Variants in IMPG2 observed in about 807,000 individuals in gnomAD.
The protein encoded by IMPG2 is interphotoreceptor matrix proteoglycan 2, also known as IPM 200.
In IMPG2, 91 loss-of-function variants were observed where a neutral mutation model predicts 129.2. The observed-to-expected ratio is 0.70, with a 90% CI of 0.59 to 0.84. The LOEUF is 0.84. Among genes scored for constraint, IMPG2 ranks in the 40% least tolerant of loss-of-function variants. IMPG2 has a pLI of 0.00. For synonymous variants in IMPG2, 510 were observed against 517.7 expected, an observed-to-expected ratio of 0.99 and a Z score of 0.20; for missense variants, 1,430 against 1,461.7, an observed-to-expected ratio of 0.98 and a Z score of 0.35.
intron 9 of IMPG2, among the ~76,000 whole-genome samples, chr3:101,261,696 AT>A (rs759647704): frequency 4.6e-5 from 7 of 152,128 alleles, no homozygotes; most frequent in Non-Finnish European, 8.8e-5. Flanking sequence ...AAAACCATCT[AT>A]TTTGAGTGCC....
chr3:101,250,668 A>C (rs1706533972), intron 11 of IMPG2, among the ~76,000 whole-genome samples: 1 of 152,198 alleles, frequency 6.6e-6, no homozygotes, highest in Non-Finnish European at 1.5e-5. Flanking sequence ...ATATATTCCC[A>C]AGTGATAAAA....
At chr3:101,250,270 G>A (rs925230165) in intron 11 of IMPG2, among the ~76,000 whole-genome samples, 1 of 152,166 alleles carries the variant, frequency 6.6e-6, no homozygotes, top group African/African-American at 2.4e-5. Context: ...AGGAGATAGA[G>A]CAAGAGTTCA....
intron 9 of IMPG2, among the ~76,000 whole-genome samples, chr3:101,260,844 C>T (rs565039509): frequency 2.0e-5 from 3 of 152,282 alleles, no homozygotes; most frequent in African/African-American, 7.2e-5. Flanking sequence ...TCTATGTCCC[C>T]AGCATCTAGC....
At chr3:101,305,575 G>A (rs1707181196) in intron 2 of IMPG2, among the ~76,000 whole-genome samples, 1 of 151,984 alleles carries the variant, frequency 6.6e-6, no homozygotes, top group African/African-American at 2.4e-5. Context: ...AAGTGGTGGG[G>A]GAGTTGAGGG....
intron 17 of IMPG2, 80 bp downstream of exon 17, chr3:101,229,300 A>ACGCCC: frequency 1.2e-6 from 1 of 859,118 alleles, no homozygotes. Context: ...ACTCATACAC[A>ACGCCC]CCCCCACCCA....
intron 2 of IMPG2, among the ~76,000 whole-genome samples, chr3:101,314,065 G>A (rs2058770437): frequency 6.6e-6 from 1 of 152,062 alleles, no homozygotes; most frequent in South Asian, 2.1e-4. Flanking sequence ...TTGGTTATAT[G>A]TTCCTTCCAT....
At chr3:101,245,150 C>A (rs1576748874) in intron 12 of IMPG2, among the ~76,000 whole-genome samples, 1 of 152,170 alleles carries the variant, frequency 6.6e-6, no homozygotes, top group Non-Finnish European at 1.5e-5. Context: ...TTGTGTTTCT[C>A]TTTGAATTCT....
intron 4 of IMPG2, among the ~76,000 whole-genome samples, chr3:101,280,134 C>A (rs975531001): frequency 2.6e-5 from 4 of 152,164 alleles, no homozygotes; most frequent in African/African-American, 9.7e-5. Context: ...TATCTCCTCT[C>A]CTCATTTCAT....
At chr3:101,229,320 G>GCGGCC in intron 17 of IMPG2, 60 bp downstream of exon 17, 2 of 519,344 alleles carry the variant, frequency 3.9e-6, no homozygotes, top group Non-Finnish European at 6.1e-6. Flanking sequence ...ACCACCCCCT[G>GCGGCC]CTCCCCCACA....
rs891616978 is a variant in IMPG2, at chr3:101,223,595, T to A, written c.*3374A>T. On this transcript the variant is annotated 3_prime_UTR_variant, in exon 19 of 19. Transcript: ENST00000193391. The stretch of plus-strand genomic sequence containing the variant: ...ACAAGCATACAAATGAATAATTAGT[T>A]CAGGTATCATACTTCAGCCAACCTA... 1 of 152,212 alleles carries A rather than the reference T, an allele frequency of 6.6e-6. No homozygotes were observed. Among genetic ancestry groups the A allele is most frequent in the Admixed American group, 6.5e-5 (1 of 15,280 alleles). 9.4% of individuals were successfully genotyped at this position (152,212 alleles called of 1,614,324 possible). A position where few individuals can be genotyped will look rare whatever the true frequency, so the allele number is the denominator to read the frequency against.
intron 11 of IMPG2, among the ~76,000 whole-genome samples, chr3:101,248,845 T>A (rs1352029360): frequency 2.0e-5 from 3 of 152,226 alleles, no homozygotes; most frequent in Non-Finnish European, 4.4e-5. Flanking sequence ...ATTCTGTATT[T>A]GTCACCACCA....
chr3:101,223,485 G>C lies in IMPG2; in HGVS notation c.*3484C>G, dbSNP rs1706186959. 1.3e-5 allele frequency: 2 copies of C among 152,152 alleles called. No homozygotes were observed. Among genetic ancestry groups the C allele is most frequent in the Admixed American group, 6.5e-5 (1 of 15,278 alleles). The allele number at this position is 152,152 out of a possible 1,614,324, so 9.4% of individuals were successfully genotyped here. On this transcript the variant is annotated 3_prime_UTR_variant, in exon 19 of 19. Transcript: ENST00000193391. ...AAAATGAAAATTCAATTCAGAGACAGAAAGATGTCAAAGTACCCATTGCTG... is the reference window on the plus strand; with the variant it reads ...AAAATGAAAATTCAATTCAGAGACACAAAGATGTCAAAGTACCCATTGCTG...
chr3:101,296,639 G>A (rs1707082400), intron 3 of IMPG2, among the ~76,000 whole-genome samples: 1 of 152,106 alleles, frequency 6.6e-6, no homozygotes, highest in Non-Finnish European at 1.5e-5. Flanking sequence ...AGAAGGAATG[G>A]TACCAGCTCC....
intron 4 of IMPG2, among the ~76,000 whole-genome samples, chr3:101,278,710 A>C (rs1400241011): frequency 2.6e-5 from 4 of 152,124 alleles, no homozygotes; most frequent in Non-Finnish European, 5.9e-5. Context: ...TTAAAAAAAA[A>C]AAACAAACTT....
intron 4 of IMPG2, among the ~76,000 whole-genome samples, chr3:101,282,473 T>G (rs188123698): frequency 3.3e-5 from 5 of 152,330 alleles, no homozygotes; most frequent in South Asian, 4.1e-4. Flanking sequence ...TTATATGCCT[T>G]ATTTTCTAAG....
chr3:101,312,676 G>A (rs1707280600), intron 2 of IMPG2, among the ~76,000 whole-genome samples: 1 of 151,952 alleles, frequency 6.6e-6, no homozygotes, highest in African/African-American at 2.4e-5. Context: ...AAATACCTAA[G>A]AGAAATGCAA....
Position 101,244,322 on chromosome 3 carries a change from T to C in IMPG2, c.2009A>G (p.Asp670Gly). The C allele has an allele frequency of 1.9e-6, 3 of 1,613,936 alleles. No homozygotes were observed. The highest frequency in any genetic ancestry group is 2.5e-6 in the Non-Finnish European group (3 of 1,179,954). The change falls in exon 13 of 19, where the codon GAT becomes GGT. Residue 670 changes from aspartate to glycine, a missense_variant. Transcript: ENST00000193391. ...CTCTGGAAAGTGTGTGGATCTGTCA[T>C]CATGTTCATATTTTGAGTGCTTACT... ...QISKHSKYEH[D>G]DRSTHFPEEE...
chr3:101,222,556 T>C lies in IMPG2; in HGVS notation c.*4413A>G, dbSNP rs1295350433. On this transcript the variant is annotated 3_prime_UTR_variant, in exon 19 of 19. Transcript: ENST00000193391. ...ACAAATGTAGACAGGTTCTTGAAAGTGATGTTTATTACTAATGAAAATAGT... is the reference window on the plus strand; with the variant it reads ...ACAAATGTAGACAGGTTCTTGAAAGCGATGTTTATTACTAATGAAAATAGT... 1 of 152,252 alleles carries C rather than the reference T, an allele frequency of 6.6e-6. No homozygotes were observed. The highest frequency in any genetic ancestry group is 1.5e-5 in the Non-Finnish European group (1 of 68,042). The allele number at this position is 152,252 out of a possible 1,614,324, so 9.4% of individuals were successfully genotyped here.
At chr3:101,298,314 G>A (rs1205233038) in intron 3 of IMPG2, among the ~76,000 whole-genome samples, 1 of 151,914 alleles carries the variant, frequency 6.6e-6, no homozygotes, top group Non-Finnish European at 1.5e-5. Context: ...TGGGTCTCCT[G>A]AATACAGGAC....
Sources: gnomAD v4.1 joint callset for allele counts (sites outside exome capture counted in the v4.1 genomes callset) on GRCh38, gnomAD v4.1.1 for gene constraint, MANE v1.5 for transcripts, NCBI Gene and HGNC (gene_info 2026-07-23, HGNC 2026-07-21) for gene names.